SCOC: variants seen among roughly 807,000 people sequenced by gnomAD.
SCOC encodes the protein short coiled coil protein.
A neutral mutation model predicts 9.9 loss-of-function variants in SCOC; 7 were observed. The observed-to-expected ratio is 0.71, with a 90% confidence interval of 0.40 to 1.33. The LOEUF (loss-of-function observed/expected upper bound fraction) is 1.33, where lower values mean the gene tolerates loss of function less well. Among genes scored for constraint, SCOC ranks in the 40% most tolerant of loss-of-function variants. SCOC has a pLI of 0.01. For synonymous variants in SCOC, 19 were observed against 28.2 expected, an observed-to-expected ratio of 0.67 and a Z score of 1.03; for missense variants, 66 against 89.7, an observed-to-expected ratio of 0.74 and a Z score of 1.07.
At chr4:140,355,233 A>ATG in intron 2 of SCOC, among the ~76,000 whole-genome samples, 1 of 145,172 alleles carries the variant, frequency 6.9e-6, no homozygotes, top group Non-Finnish European at 1.5e-5. Context: ...ATATATATAT[A>ATG]TATATATATA....
intron 1 of SCOC, among the ~76,000 whole-genome samples, chr4:140,308,404 G>C (rs1252976152): frequency 6.6e-6 from 1 of 152,184 alleles, no homozygotes; most frequent in Non-Finnish European, 1.5e-5. Flanking sequence ...CATTCAGAAA[G>C]ACTGTATGCA....
At chr4:140,341,042 C>T (rs751711035), upstream of SCOC, among the ~76,000 whole-genome samples, 7 of 151,802 alleles carry the variant, frequency 4.6e-5, no homozygotes, top group South Asian at 2.1e-4. Context: ...GTGATCCACC[C>T]GCCTCGGCCT....
intron 1 of SCOC, among the ~76,000 whole-genome samples, chr4:140,260,840 A>G (rs1275056941): frequency 6.6e-6 from 1 of 152,132 alleles, no homozygotes; most frequent in Non-Finnish European, 1.5e-5. Flanking sequence ...AATTGTTCTG[A>G]TTTATTTTTT....
chr4:140,379,367 C>G (rs1728475552), intron 2 of SCOC, among the ~76,000 whole-genome samples, 175 bp downstream of exon 2: 1 of 152,142 alleles, frequency 6.6e-6, no homozygotes, highest in South Asian at 2.1e-4. Context: ...CATTCCTTAG[C>G]TATGAGAGGT....
At chr4:140,310,690 G>T (rs981095070) in intron 1 of SCOC, among the ~76,000 whole-genome samples, 3 of 152,176 alleles carry the variant, frequency 2.0e-5, no homozygotes, top group African/African-American at 7.2e-5. Context: ...TGAGGGACTA[G>T]TCATGATTTA....
At chr4:140,313,351 T>TA (rs1286694091) in intron 1 of SCOC, among the ~76,000 whole-genome samples, 1 of 152,188 alleles carries the variant, frequency 6.6e-6, no homozygotes, top group Admixed American at 6.5e-5. Context: ...TTCTAGCGAT[T>TA]CTCGATTCTC....
intron 1 of SCOC, among the ~76,000 whole-genome samples, chr4:140,288,015 A>T (rs953134215): frequency 3.3e-5 from 5 of 151,808 alleles, no homozygotes; most frequent in African/African-American, 9.7e-5. Context: ...ATGTACATAC[A>T]CCCCACACTT....
At chr4:140,291,418 C>G (rs1731468312) in intron 1 of SCOC, 2 of 457,012 alleles carry the variant, frequency 4.4e-6, no homozygotes, top group African/African-American at 4.0e-5. Flanking sequence ...CTTCCCAAGC[C>G]CTCTGGTGTA....
chr4:140,340,808 T>TTTTTTTTG (rs140552446), upstream of SCOC, among the ~76,000 whole-genome samples: 2 of 111,814 alleles, frequency 1.8e-5, no homozygotes, highest in African/African-American at 3.1e-5. Context: ...TTTTTTTTTT[T>TTTTTTTTG]AGAGGGATAG....
chr4:140,323,854 T>C (rs1240208785), intron 1 of SCOC, among the ~76,000 whole-genome samples: 2 of 152,102 alleles, frequency 1.3e-5, no homozygotes, highest in African/African-American at 4.8e-5. Flanking sequence ...ATATAGAACA[T>C]TTATGAATTC....
At chr4:140,346,654 C>A (rs900601957) in intron 2 of SCOC, among the ~76,000 whole-genome samples, 1 of 152,186 alleles carries the variant, frequency 6.6e-6, no homozygotes, top group African/African-American at 2.4e-5. Context: ...TGAGAACGGG[C>A]AATGCCAGTA....
At chr4:140,286,255 C>A (rs1460804005) in intron 1 of SCOC, among the ~76,000 whole-genome samples, 1 of 151,808 alleles carries the variant, frequency 6.6e-6, no homozygotes, top group African/African-American at 2.4e-5. Context: ...ACAATTGTGG[C>A]TGGCATAGAG....
chr4:140,368,448 T>C (rs1319603255), intron 2 of SCOC, among the ~76,000 whole-genome samples: 1 of 152,188 alleles, frequency 6.6e-6, no homozygotes, highest in Non-Finnish European at 1.5e-5. Flanking sequence ...TAAATACCAA[T>C]TCTGGGGGAA....
At chr4:140,366,607 T>G in intron 2 of SCOC, 1 of 1,606,550 alleles carries the variant, frequency 6.2e-7, no homozygotes, top group Non-Finnish European at 8.5e-7. Context: ...GGCTGCCCAT[T>G]TTGTATTGAT....
chr4:140,373,301 T>C, upstream of SCOC: 1 of 1,383,456 alleles, frequency 7.2e-7, no homozygotes, highest in East Asian at 2.9e-5. Context: ...CATACCAGCC[T>C]CTTTCCTGAT....
intron 1 of SCOC, among the ~76,000 whole-genome samples, chr4:140,294,919 G>A (rs924530055): frequency 6.6e-6 from 1 of 152,196 alleles, no homozygotes; most frequent in African/African-American, 2.4e-5. Context: ...TCTGGACCCT[G>A]TGATTTGAGG....
chr4:140,317,145 C>T (rs751394118), intron 1 of SCOC, among the ~76,000 whole-genome samples: 1 of 152,100 alleles, frequency 6.6e-6, no homozygotes, highest in African/African-American at 2.4e-5. Context: ...ACAGGGGACT[C>T]TCTTGTAAGA....
At chr4:140,269,322 T>G (rs1396861295) in intron 1 of SCOC, among the ~76,000 whole-genome samples, 1 of 152,186 alleles carries the variant, frequency 6.6e-6, no homozygotes, top group Admixed American at 6.5e-5. Flanking sequence ...AAATGGGATT[T>G]CTGGGGCTGG....
intron 2 of SCOC, among the ~76,000 whole-genome samples, chr4:140,368,095 A>G (rs998753036): frequency 3.9e-5 from 6 of 152,232 alleles, no homozygotes; most frequent in Admixed American, 3.9e-4. Context: ...GCTGTACAGT[A>G]TCTAGCTCAC....
Sources: allele counts gnomAD v4.1 joint callset (sites outside exome capture counted in the v4.1 genomes callset), GRCh38; gene constraint gnomAD v4.1.1; transcripts MANE v1.5; gene names NCBI Gene and HGNC (gene_info 2026-07-23, HGNC 2026-07-21).